Variants in THSD7A observed in about 807,000 individuals in gnomAD.
The protein encoded by THSD7A is thrombospondin type-1 domain-containing protein 7A.
THSD7A carries 96 observed loss-of-function variants against 231.3 expected under a neutral mutation model. The ratio of observed to expected loss-of-function variants is 0.41; its 90% CI spans 0.35 to 0.49. The LOEUF (loss-of-function observed/expected upper bound fraction) is 0.49. THSD7A is among the 20% of genes least tolerant of loss of function. The pLI is 0.05. For missense variants in THSD7A, 2,290 were observed against 2,070.2 expected (o/e 1.11, Z -2.06); for synonymous variants, 940 against 743.3 (o/e 1.26, Z -4.30).
At chr7:11,777,455 A>G (rs1412392882) in intron 1 of THSD7A, among the ~76,000 whole-genome samples, 1 of 112,228 alleles carries the variant, frequency 8.9e-6, no homozygotes, top group African/African-American at 3.4e-5. Context: ...ACACACACAC[A>G]CACACTCTTT....
intron 1 of THSD7A, among the ~76,000 whole-genome samples, chr7:11,716,776 TG>T (rs1409187901): frequency 2.6e-5 from 4 of 151,618 alleles, no homozygotes; most frequent in Non-Finnish European, 4.4e-5. Context: ...TGTATATGGC[TG>T]TCCTATTTGT....
At chr7:11,450,210 C>T (rs768450108) in intron 11 of THSD7A, among the ~76,000 whole-genome samples, 1 of 151,980 alleles carries the variant, frequency 6.6e-6, no homozygotes, top group Non-Finnish European at 1.5e-5. Flanking sequence ...ACTACCAATA[C>T]AATTCCAGAA....
chr7:11,618,527 C>T (rs1781188908), intron 2 of THSD7A, among the ~76,000 whole-genome samples: 2 of 151,894 alleles, frequency 1.3e-5, no homozygotes, highest in Admixed American at 6.6e-5. Flanking sequence ...TAGGGCGGGG[C>T]GCGGTGGCTC....
intron 20 of THSD7A, 41 bp from the exon 21 acceptor site, chr7:11,407,096 T>G: frequency 6.2e-7 from 1 of 1,607,826 alleles, no homozygotes; most frequent in Non-Finnish European, 8.5e-7. Flanking sequence ...ATATATGTTA[T>G]GGTTTTGCAA....
At chr7:11,752,943 TCAA>T in intron 1 of THSD7A, among the ~76,000 whole-genome samples, 1 of 151,784 alleles carries the variant, frequency 6.6e-6, no homozygotes, top group Non-Finnish European at 1.5e-5. Flanking sequence ...AATCAATCAA[TCAA>T]TCAATCAATC....
At chr7:11,578,833 A>C (rs1439973699) in intron 4 of THSD7A, among the ~76,000 whole-genome samples, 1 of 152,238 alleles carries the variant, frequency 6.6e-6, no homozygotes, top group Non-Finnish European at 1.5e-5. Context: ...GGTGATGCTT[A>C]GCTTAGAGAG....
chr7:11,618,280 G>T (rs1324922297), intron 2 of THSD7A, among the ~76,000 whole-genome samples: 1 of 152,154 alleles, frequency 6.6e-6, no homozygotes, highest in Non-Finnish European at 1.5e-5. Flanking sequence ...TCAAAAATAA[G>T]ATGCAGATGT....
At chr7:11,742,211 T>C (rs966502580) in intron 1 of THSD7A, among the ~76,000 whole-genome samples, 3 of 151,942 alleles carry the variant, frequency 2.0e-5, no homozygotes, top group African/African-American at 7.2e-5. Flanking sequence ...AGAACAGATA[T>C]AAATGGAAAA....
intron 1 of THSD7A, among the ~76,000 whole-genome samples, chr7:11,703,272 C>T (rs747197053): frequency 4.6e-5 from 7 of 151,230 alleles, no homozygotes; most frequent in Admixed American, 2.0e-4. Context: ...TAATAACAGA[C>T]GTAGGAACAC....
In THSD7A at chr7:11,444,106, C is replaced by G. The variant is rs1583752494; in HGVS notation, c.3064+1955G>C. Among the ~76,000 whole-genome samples the G allele has an allele frequency of 6.6e-6, 1 of 151,960 alleles. No individual in the cohort carries two copies. Among genetic ancestry groups the G allele is most frequent in the East Asian group, 1.9e-4 (1 of 5,170 alleles). ...AAATCAAAACCACAGTGAGATACCA[C>G]CTCACACCAGTTAGAATGGTGATCA... On this transcript the variant is annotated intron_variant, in intron 13 of 27. Transcript: ENST00000423059. This position sits in a 1 kb window ranked among gnomAD's most constrained non-coding sequence, Gnocchi z 4.2.
intron 1 of THSD7A, among the ~76,000 whole-genome samples, chr7:11,766,855 A>G (rs953826000): frequency 6.6e-6 from 1 of 152,186 alleles, no homozygotes; most frequent in African/African-American, 2.4e-5. Flanking sequence ...CAAAGCTAAA[A>G]AGGACATTTT....
intron 4 of THSD7A, among the ~76,000 whole-genome samples, chr7:11,568,352 G>A (rs1237416268): frequency 2.0e-5 from 3 of 152,050 alleles, no homozygotes; most frequent in African/African-American, 7.2e-5. Flanking sequence ...AATGGAATGA[G>A]TTTCTTTTCC....
intron 23 of THSD7A, chr7:11,383,786 T>A (rs976683376): frequency 1.3e-5 from 2 of 152,034 alleles, no homozygotes; most frequent in Non-Finnish European, 2.9e-5. Context: ...TTTTTTCTCA[T>A]TGAATTGTAG....
intron 1 of THSD7A, among the ~76,000 whole-genome samples, chr7:11,649,440 T>A (rs1782409815): frequency 6.6e-6 from 1 of 152,040 alleles, no homozygotes. Flanking sequence ...TAATATTTTA[T>A]GCAGCAATAG....
chr7:11,633,104 T>C (rs1002308529), intron 2 of THSD7A, among the ~76,000 whole-genome samples: 2 of 152,218 alleles, frequency 1.3e-5, no homozygotes, highest in Non-Finnish European at 2.9e-5. Context: ...TCCATTTCTT[T>C]TTTGAGCTCT....
intron 1 of THSD7A, among the ~76,000 whole-genome samples, chr7:11,654,997 C>G (rs142522489): frequency 6.6e-6 from 1 of 151,706 alleles, no homozygotes; most frequent in Non-Finnish European, 1.5e-5. Flanking sequence ...AATAGTGCAA[C>G]GTTTTATAGC....
intron 1 of THSD7A, among the ~76,000 whole-genome samples, chr7:11,666,925 G>A (rs1175864808): frequency 6.6e-6 from 1 of 151,782 alleles, no homozygotes; most frequent in East Asian, 1.9e-4. Context: ...ATTAAAATAA[G>A]TCAAAAAAAC....
At chr7:11,494,782 G>C (rs1378340748) in intron 6 of THSD7A, among the ~76,000 whole-genome samples, 2 of 152,022 alleles carry the variant, frequency 1.3e-5, no homozygotes, top group East Asian at 1.9e-4. Context: ...TTCCAGGCAC[G>C]AGCATTCTTA....
intron 1 of THSD7A, chr7:11,751,073 G>C (rs1015353332): frequency 6.6e-6 from 1 of 151,988 alleles, no homozygotes; most frequent in African/African-American, 2.4e-5. Flanking sequence ...ACATGTTCTT[G>C]AGCTGAGTCC....
Sources: allele counts gnomAD v4.1 joint callset (sites outside exome capture counted in the v4.1 genomes callset), GRCh38; gene constraint gnomAD v4.1.1; non-coding constraint Gnocchi (gnomAD v3.1); transcripts MANE v1.5; gene names NCBI Gene and HGNC (gene_info 2026-07-23, HGNC 2026-07-21).